The following COL6A3 variants were observed in gnomAD, a reference collection of about 807,000 sequenced individuals.
The protein encoded by COL6A3 is collagen alpha-3(VI) chain.
Under a neutral mutation model 274.1 loss-of-function variants are expected in COL6A3, and 137 were observed. The observed-to-expected ratio is 0.50, with a 90% confidence interval of 0.44 to 0.58. COL6A3 has a LOEUF of 0.58. Among genes scored for constraint, COL6A3 ranks in the 20% least tolerant of loss-of-function variants. The pLI, the probability that COL6A3 is intolerant of heterozygous loss-of-function variation, is 0.00. For synonymous variants in COL6A3, 1,650 were observed against 1,650.6 expected, an observed-to-expected ratio of 1.00 and a Z score of 0.01; for missense variants, 3,950 against 4,124.9, an observed-to-expected ratio of 0.96 and a Z score of 1.16.
intron 31 of COL6A3, among the ~76,000 whole-genome samples, chr2:237,347,301 A>T (rs1437105819): frequency 6.6e-6 from 1 of 152,166 alleles, no homozygotes; most frequent in East Asian, 1.9e-4. Flanking sequence ...ACACACACAC[A>T]CACACAAAGA....
intron 23 of COL6A3, chr2:237,357,022 T>A: frequency 2.2e-6 from 1 of 450,780 alleles, no homozygotes. Flanking sequence ...TCCCCCAGTA[T>A]TAGGATTTCC....
At chr2:237,326,579 G>C (rs1035317204) in intron 42 of COL6A3, 5 of 152,196 alleles carry the variant, frequency 3.3e-5, no homozygotes, top group African/African-American at 9.7e-5. Flanking sequence ...TTCTGGGAAA[G>C]AGAAGCATTG....
At chr2:237,367,354 G>A in intron 10 of COL6A3, 68 bp from the exon 11 acceptor site, 1 of 1,529,578 alleles carries the variant, frequency 6.5e-7, no homozygotes, top group Non-Finnish European at 8.8e-7. Context: ...ATACACAAAA[G>A]GTAAAATTAA....
rs1164970649 is a variant in COL6A3 at position 237,366,904 on chromosome 2, A to G, written c.5283T>C (p.Asp1761=). ...TGGKSVEDAQ[D]VSLALTQRGV... is the part of the protein sequence containing the mutation. ...CCCTCTGGGTGAGGGCCAGGCTCAC[A>G]TCCTGTGCATCTTCCACCGACTTTC... Residue 1761 remains aspartate, a synonymous_variant, in exon 11 of 44, where the codon GAT becomes GAC. Coordinates refer to ENST00000295550, the MANE Select transcript of COL6A3 (RefSeq NM_004369.4). The G allele has an allele frequency of 6.2e-7, 1 of 1,614,208 alleles. No individual in the cohort carries two copies. Among genetic ancestry groups the G allele is most frequent in the East Asian group, 2.2e-5 (1 of 44,886 alleles).
intron 8 of COL6A3, among the ~76,000 whole-genome samples, chr2:237,373,382 C>T (rs1186397335): frequency 6.6e-6 from 1 of 152,140 alleles, no homozygotes; most frequent in African/African-American, 2.4e-5. Flanking sequence ...GAAAGAAAGC[C>T]TCTTTCACTT....
intron 4 of COL6A3, among the ~76,000 whole-genome samples, chr2:237,382,890 C>T (rs772002770): frequency 2.0e-5 from 3 of 152,130 alleles, no homozygotes; most frequent in Admixed American, 1.3e-4. Flanking sequence ...TGGGTTCAAG[C>T]GATTCTCCCA....
chr2:237,375,943 T>A (rs556563934), intron 7 of COL6A3, among the ~76,000 whole-genome samples: 1 of 152,356 alleles, frequency 6.6e-6, no homozygotes, highest in Admixed American at 6.5e-5. Flanking sequence ...AACTTTTCAA[T>A]GCTTGAAGAG....
At chr2:237,354,319 A>G (rs76519824) in intron 24 of COL6A3, among the ~76,000 whole-genome samples, 3 of 147,896 alleles carry the variant, frequency 2.0e-5, no homozygotes, top group African/African-American at 5.0e-5. Context: ...TCCTGGCCAG[A>G]TTTTTTTTTT....
rs761417401 is a variant in COL6A3, at chr2:237,368,790, C to A, written c.4673G>T (p.Arg1558Met). 1 of 1,614,182 alleles carries A rather than the reference C, an allele frequency of 6.2e-7. No homozygotes were observed. The highest frequency in any genetic ancestry group is 2.2e-5 in the East Asian group (1 of 44,872). Residue 1558 changes from arginine (R) to methionine (M), a missense_variant, in exon 10 of 44, where the codon AGG becomes ATG. Around this residue, in one of 5 missense-constraint regions of COL6A3, gnomAD observed 632 missense variants for 623.4 expected, o/e 1.01. Coordinates refer to ENST00000295550, the MANE Select transcript of COL6A3 (RefSeq NM_004369.4). This position sits in a 1 kb window ranked among gnomAD's most constrained non-coding sequence, Gnocchi z 4.4. ...LGGKSQDDVS[R>M]FAQVIRSSGI... ...CGAGGAACGGATCACCTGGGCGAAC[C>A]TGGACACATCGTCCTGGGATTTTCC... is the stretch of plus-strand genomic sequence containing the variant.
At chr2:237,350,060 A>T in intron 28 of COL6A3, 87 bp downstream of exon 28, 1 of 1,236,298 alleles carries the variant, frequency 8.1e-7, no homozygotes, top group Non-Finnish European at 1.2e-6. Context: ...AGCAAGGCTC[A>T]TCTTTATTTG....
At chr2:237,352,268 C>T (rs1473991920) in intron 26 of COL6A3, among the ~76,000 whole-genome samples, 1 of 152,180 alleles carries the variant, frequency 6.6e-6, no homozygotes, top group Non-Finnish European at 1.5e-5. Flanking sequence ...CTGATTTCCA[C>T]CCAGGGACAC....
Position 237,396,848 on chromosome 2 carries a change from C to T in COL6A3, c.-30-1G>A, listed in dbSNP as rs1410891480. 1 of 1,601,818 alleles carries T rather than the reference C, an allele frequency of 6.2e-7. No individual in the cohort carries two copies. The highest frequency in any genetic ancestry group is 8.6e-7 in the Non-Finnish European group (1 of 1,168,988). On this transcript the variant is annotated splice_acceptor_variant, in intron 1 of 43. Coordinates refer to ENST00000295550, the MANE Select transcript of COL6A3 (RefSeq NM_004369.4). LOFTEE classifies it low-confidence loss of function (5UTR_SPLICE). ...ATTTGTCTAAGCACCAAATATGAAC[C>T]TAAAAGAGAAAACAGGGCAAAGGGA...
chr2:237,327,985 G>A (rs1305268543), intron 42 of COL6A3: 1 of 152,122 alleles, frequency 6.6e-6, no homozygotes, highest in African/African-American at 2.4e-5. Context: ...CTGCCCCCCA[G>A]GTATAACCTG....
rs2077785138 is a variant in COL6A3, at chr2:237,374,670, C to T, written c.3421G>A (p.Ala1141Thr). ...GVPQLLIVLT[A>T]DRSGDDVRNP... is the part of the protein sequence containing the mutation. ...CGCACATCATCCCCAGACCTGTCGG[C>T]CGTGAGGACGATCAGCAGCTGGGGC... Residue 1141 changes from alanine to threonine, a missense_variant, in exon 8 of 44, where the codon GCC becomes ACC. By Grantham distance (58) the Ala-to-Thr change is moderately conservative. This residue lies in a region of COL6A3 where 1,934 missense variants were observed against 1,984.3 expected (regional missense o/e 0.97). Transcript: ENST00000295550. The surrounding 1 kb of genome is among the most constrained non-coding windows in gnomAD (Gnocchi z 4.8). 1.2e-6 allele frequency: 2 copies of T among 1,613,924 alleles called. No individual in the cohort carries two copies. The highest frequency in any genetic ancestry group is 1.3e-5 in the African/African-American group (1 of 75,070).
chr2:237,324,672 G>C lies in COL6A3; in HGVS notation c.*102C>G. The C allele has an allele frequency of 9.6e-7, 1 of 1,040,712 alleles. No homozygotes were observed. Among genetic ancestry groups the C allele is most frequent in the African/African-American group, 1.6e-5 (1 of 63,902 alleles). The allele number at this position is 1,040,712 out of a possible 1,614,324, so 64.5% of individuals were successfully genotyped here. On this transcript the variant is annotated 3_prime_UTR_variant, in exon 44 of 44. Coordinates refer to ENST00000295550, the MANE Select transcript of COL6A3 (RefSeq NM_004369.4). ...TCGAGTGTAAATCAAAGCATGAAAT[G>C]ATACAGTGCAAGGGAATCTACACCC...
rs908600614 is a variant in COL6A3, at chr2:237,413,176, A to C, written c.-31+777T>G. Among the ~76,000 whole-genome samples the C allele has an allele frequency of 6.6e-6, 1 of 152,140 alleles. No individual in the cohort carries two copies. The highest frequency in any genetic ancestry group is 1.5e-5 in the Non-Finnish European group (1 of 68,006). On this transcript the variant is annotated intron_variant, in intron 1 of 43. Coordinates refer to ENST00000295550, the MANE Select transcript of COL6A3 (RefSeq NM_004369.4). This position sits in a 1 kb window ranked among gnomAD's most constrained non-coding sequence, Gnocchi z 4.0. ...AGCCCTCGGGGCCTCCCAGCTCGGC[A>C]CTGGCCTCACCTCTGTGCAGCATGG...
Position 237,371,213 on chromosome 2 carries a change from C to T in COL6A3, c.4285+519G>A, listed in dbSNP as rs114101300. ...ATGGAGATGCCCTCATGCTTTGCCA[C>T]GGTATGCATTCTCCCTGGATGCCAT... On this transcript the variant is annotated intron_variant, in intron 9 of 43. Coordinates refer to ENST00000295550, the MANE Select transcript of COL6A3 (RefSeq NM_004369.4). The surrounding 1 kb of genome is among the most constrained non-coding windows in gnomAD (Gnocchi z 4.3). Among the ~76,000 whole-genome samples, 257 of 152,324 alleles carry T rather than the reference C, an allele frequency of 1.7e-3. No individual in the cohort carries two copies. The highest frequency in any genetic ancestry group is 5.7e-3 in the African/African-American group (237 of 41,576).
In COL6A3 at chr2:237,344,670, A is replaced by G; in HGVS notation, c.7348T>C (p.Tyr2450His). ...ATCTCCGTGGTCACCTCGTTGTTGT[A>G]GGTGACCACAGCCACCCGGGCCCCC... ...PRGARVAVVT[Y>H]NNEVTTEIRF... The change falls in exon 36 of 44, where the codon TAC becomes CAC. Residue 2450 changes from tyrosine (Y) to histidine (H), a missense_variant. Around this residue, in one of 5 missense-constraint regions of COL6A3, gnomAD observed 1,284 missense variants for 1,349.7 expected, o/e 0.95. Transcript: ENST00000295550. This position sits in a 1 kb window ranked among gnomAD's most constrained non-coding sequence, Gnocchi z 4.8. 1 of 1,612,228 alleles carries G rather than the reference A, an allele frequency of 6.2e-7. No homozygotes were observed. Among genetic ancestry groups the G allele is most frequent in the African/African-American group, 1.3e-5 (1 of 74,944 alleles).
In COL6A3 at chr2:237,344,371, C is replaced by T. The variant is rs766415537; in HGVS notation, c.7647G>A (p.Arg2549=). The T allele has an allele frequency of 3.1e-6, 5 of 1,614,204 alleles. No individual in the cohort carries two copies. The South Asian group carries it at 3.3e-5, about 11-fold the overall frequency. The change falls in exon 36 of 44, where the codon CGG becomes CGA. Residue 2549 remains arginine, a synonymous_variant. Coordinates refer to ENST00000295550, the MANE Select transcript of COL6A3 (RefSeq NM_004369.4). The surrounding 1 kb of genome is among the most constrained non-coding windows in gnomAD (Gnocchi z 4.8). Reference sequence around the variant, plus strand: ...AGACCTGCAAAGCGTTGATGAGCTGCCGGTCTTCCTGCCTTGTAAGGAACA... The same window carrying T: ...AGACCTGCAAAGCGTTGATGAGCTGTCGGTCTTCCTGCCTTGTAAGGAACA... ...TPLFLTRQED[R]QLINALQINN... is the part of the protein sequence containing the mutation.
Sources: allele counts gnomAD v4.1 joint callset (sites outside exome capture counted in the v4.1 genomes callset), GRCh38; gene constraint gnomAD v4.1.1; regional missense constraint gnomAD v4.1.1; non-coding constraint Gnocchi (gnomAD v3.1); transcripts MANE v1.5; gene names NCBI Gene and HGNC (gene_info 2026-07-23, HGNC 2026-07-21).